PLEKHA7: variants seen among roughly 807,000 people sequenced by gnomAD.
The protein encoded by PLEKHA7 is pleckstrin homology domain-containing family A member 7.
In PLEKHA7, 104 loss-of-function variants were observed where a neutral mutation model predicts 170.0. That is an observed-to-expected ratio of 0.61 (90% CI 0.52 to 0.72). The LOEUF (loss-of-function observed/expected upper bound fraction) is 0.72. Ranked by LOEUF, PLEKHA7 falls within the 30% of genes least tolerant of loss-of-function variation. The probability of loss-of-function intolerance (pLI) is 0.00; values close to 1 mark genes in which losing one functional copy is unlikely to be tolerated. For synonymous variants in PLEKHA7, 648 were observed against 660.8 expected, an observed-to-expected ratio of 0.98 and a Z score of 0.30; for missense variants, 1,615 against 1,671.7, an observed-to-expected ratio of 0.97 and a Z score of 0.59.
At chr11:16,999,720 G>A (rs964265246) in intron 3 of PLEKHA7, among the ~76,000 whole-genome samples, 1 of 152,208 alleles carries the variant, frequency 6.6e-6, no homozygotes, top group Non-Finnish European at 1.5e-5. Context: ...AGCATGGTAG[G>A]AGCTTCAGAC....
intron 3 of PLEKHA7, among the ~76,000 whole-genome samples, chr11:16,887,332 GTCTCCC>G (rs1170371003): frequency 1.5e-5 from 1 of 68,406 alleles, no homozygotes; most frequent in Non-Finnish European, 4.1e-5. Flanking sequence ...TCTCCCCACG[GTCTCCC>G]TCTCCCTCTC....
intron 3 of PLEKHA7, among the ~76,000 whole-genome samples, chr11:16,942,599 G>C (rs192853152): frequency 1.3e-5 from 2 of 152,162 alleles, no homozygotes; most frequent in Non-Finnish European, 2.9e-5. Flanking sequence ...AAACACCATC[G>C]GGGAAGAGAG....
At chr11:16,898,317 A>G (rs1420511634) in intron 3 of PLEKHA7, among the ~76,000 whole-genome samples, 3 of 152,166 alleles carry the variant, frequency 2.0e-5, no homozygotes, top group Non-Finnish European at 4.4e-5. Context: ...TTTTTCTTTC[A>G]GTCATAAAAT....
At chr11:16,795,513 C>T (rs537305453) in intron 17 of PLEKHA7, among the ~76,000 whole-genome samples, 2 of 152,088 alleles carry the variant, frequency 1.3e-5, no homozygotes, top group South Asian at 2.1e-4. Context: ...CAAGATGAGT[C>T]GGGTGCAATG....
intron 3 of PLEKHA7, among the ~76,000 whole-genome samples, chr11:16,973,165 G>A (rs904239950): frequency 6.6e-6 from 1 of 152,190 alleles, no homozygotes; most frequent in Admixed American, 6.5e-5. Flanking sequence ...TGTACTTTAT[G>A]GTCTCCCTCT....
rs1274045090 is a variant in PLEKHA7 at position 16,975,069 on chromosome 11, A to G, written c.221+38920T>C. 6 of 702,742 alleles carry G rather than the reference A, an allele frequency of 8.5e-6. No homozygotes were observed. The Admixed American group carries it at 2.3e-4, about 27-fold the overall frequency. 43.5% of individuals were successfully genotyped at this position (702,742 alleles called of 1,614,324 possible). Reference sequence around the variant, plus strand: ...AGCCAGGTTTTTATATATACTATGTATATATGTACAGTTCTATGAGATTTC... The same window carrying G: ...AGCCAGGTTTTTATATATACTATGTGTATATGTACAGTTCTATGAGATTTC... On this transcript the variant is annotated intron_variant, in intron 3 of 26. Transcript: ENST00000531066.
At chr11:16,905,985 G>A (rs1305098269) in intron 3 of PLEKHA7, among the ~76,000 whole-genome samples, 3 of 146,604 alleles carry the variant, frequency 2.0e-5, no homozygotes, top group Admixed American at 1.4e-4. Context: ...CCTGGAGTGA[G>A]GGACAGCTCT....
At chr11:16,802,696 C>T (rs1334665059) in intron 15 of PLEKHA7, among the ~76,000 whole-genome samples, 2 of 152,068 alleles carry the variant, frequency 1.3e-5, no homozygotes, top group Non-Finnish European at 2.9e-5. Flanking sequence ...TACAGGTGCC[C>T]ACCACCATGC....
intron 26 of PLEKHA7, among the ~76,000 whole-genome samples, 196 bp from the exon 27 acceptor site, chr11:16,779,216 C>G (rs1282984189): frequency 6.6e-6 from 1 of 151,842 alleles, no homozygotes; most frequent in Non-Finnish European, 1.5e-5. Context: ...CACCCCTATT[C>G]CACTGCTAGA....
At chr11:16,883,699 A>G (rs1855872828) in intron 3 of PLEKHA7, among the ~76,000 whole-genome samples, 1 of 151,916 alleles carries the variant, frequency 6.6e-6, no homozygotes, top group Non-Finnish European at 1.5e-5. Flanking sequence ...GACCACTCTA[A>G]TTTCCTCCTT....
intron 3 of PLEKHA7, among the ~76,000 whole-genome samples, chr11:16,991,779 C>A (rs1864060462): frequency 6.6e-6 from 1 of 152,088 alleles, no homozygotes; most frequent in Non-Finnish European, 1.5e-5. Flanking sequence ...GTGCCATGAC[C>A]CAACTTCCAC....
At chr11:16,976,429 T>C (rs1282259903) in intron 3 of PLEKHA7, among the ~76,000 whole-genome samples, 1 of 152,122 alleles carries the variant, frequency 6.6e-6, no homozygotes. Flanking sequence ...CTTCCCTCAC[T>C]CAAGGGGAGA....
intron 3 of PLEKHA7, among the ~76,000 whole-genome samples, chr11:16,929,667 A>G (rs1380352059): frequency 6.6e-6 from 1 of 152,254 alleles, no homozygotes; most frequent in African/African-American, 2.4e-5. Flanking sequence ...TTTTGAACAA[A>G]AGGAACTGCA....
intron 4 of PLEKHA7, among the ~76,000 whole-genome samples, chr11:16,869,422 G>A (rs1399310035): frequency 6.6e-6 from 1 of 152,166 alleles, no homozygotes; most frequent in Non-Finnish European, 1.5e-5. Context: ...TGTGTCTCTG[G>A]GCACTTCTTT....
intron 3 of PLEKHA7, among the ~76,000 whole-genome samples, chr11:17,002,905 C>T (rs1318740332): frequency 6.6e-6 from 1 of 151,866 alleles, no homozygotes; most frequent in African/African-American, 2.4e-5. Context: ...TTTTCCCCCA[C>T]ACCACTTAAC....
At chr11:16,929,410 G>A (rs1859772750) in intron 3 of PLEKHA7, among the ~76,000 whole-genome samples, 1 of 152,148 alleles carries the variant, frequency 6.6e-6, no homozygotes, top group South Asian at 2.1e-4. Flanking sequence ...CAAATATTCT[G>A]GGTTCTTAAT....
rs918188469 is a variant in PLEKHA7 at position 16,912,557 on chromosome 11, A to G, written c.222-41375T>C. ...CCTCTTAAATGCTGACTTCATTTCAATCAAGACCTACACTGTACGAGACAC... is the reference window on the plus strand; with the variant it reads ...CCTCTTAAATGCTGACTTCATTTCAGTCAAGACCTACACTGTACGAGACAC... On this transcript the variant is annotated intron_variant, in intron 3 of 26. Coordinates refer to ENST00000531066, the MANE Select transcript of PLEKHA7 (RefSeq NM_001329630.2). 5.3e-5 allele frequency among the ~76,000 whole-genome samples: 8 copies of G among 152,064 alleles called. No homozygotes were observed. The South Asian group carries it at 1.7e-3, about 31-fold the overall frequency.
At chr11:16,862,204 AC>A (rs1341036254) in intron 4 of PLEKHA7, among the ~76,000 whole-genome samples, 1 of 151,662 alleles carries the variant, frequency 6.6e-6, no homozygotes, top group African/African-American at 2.4e-5. Context: ...ACCCCACTCT[AC>A]CCCAGGAGCT....
chr11:16,847,648 G>A (rs1403469445), intron 8 of PLEKHA7, among the ~76,000 whole-genome samples: 2 of 151,788 alleles, frequency 1.3e-5, no homozygotes, highest in Non-Finnish European at 2.9e-5. Context: ...TGGCCAACAT[G>A]GTGAAACCCC....
Sources: gnomAD v4.1 joint callset for allele counts (sites outside exome capture counted in the v4.1 genomes callset) on GRCh38, gnomAD v4.1.1 for gene constraint, MANE v1.5 for transcripts, NCBI Gene and HGNC (gene_info 2026-07-23, HGNC 2026-07-21) for gene names.